The following PTPRK variants were observed in gnomAD, a reference collection of about 807,000 sequenced individuals.
The protein encoded by PTPRK is receptor-type tyrosine-protein phosphatase kappa.
PTPRK carries 75 observed loss-of-function variants against 178.0 expected under a neutral mutation model. That is an observed-to-expected ratio of 0.42 (90% CI 0.35 to 0.51). PTPRK has a LOEUF of 0.51. PTPRK is among the 20% of genes least tolerant of loss of function. The pLI is 0.02. For missense variants in PTPRK, 1,441 were observed against 1,797.8 expected, an observed-to-expected ratio of 0.80 and a Z score of 3.59; for synonymous variants, 637 against 620.6, an observed-to-expected ratio of 1.03 and a Z score of -0.39.
intron 2 of PTPRK, among the ~76,000 whole-genome samples, chr6:128,355,610 T>A (rs1437121312): frequency 1.3e-5 from 2 of 152,024 alleles, no homozygotes; most frequent in East Asian, 1.9e-4. Flanking sequence ...AGTAAATTTT[T>A]AAAAAAATAT....
intron 13 of PTPRK, among the ~76,000 whole-genome samples, chr6:128,021,553 T>A (rs1294936354): frequency 6.6e-6 from 1 of 152,038 alleles, no homozygotes; most frequent in Non-Finnish European, 1.5e-5. Context: ...GGCAGGAGAA[T>A]GGTGTGAACC....
At chr6:128,445,296 T>C (rs1846857159) in intron 1 of PTPRK, among the ~76,000 whole-genome samples, 1 of 138,812 alleles carries the variant, frequency 7.2e-6, no homozygotes, top group Non-Finnish European at 1.6e-5. Flanking sequence ...TAGTATATTA[T>C]ATAAATACTA....
At chr6:128,437,249 A>C (rs930713995) in intron 1 of PTPRK, among the ~76,000 whole-genome samples, 1 of 152,216 alleles carries the variant, frequency 6.6e-6, no homozygotes, top group Non-Finnish European at 1.5e-5. Context: ...TTTTGCTTTA[A>C]AGATAAGCGT....
chr6:128,487,536 C>T (rs1228957526), intron 1 of PTPRK, among the ~76,000 whole-genome samples: 1 of 151,984 alleles, frequency 6.6e-6, no homozygotes, highest in Non-Finnish European at 1.5e-5. Context: ...CCTCTCCCTT[C>T]TCCATCCTTC....
intron 8 of PTPRK, among the ~76,000 whole-genome samples, chr6:128,088,227 A>G (rs577976464): frequency 6.6e-6 from 1 of 152,022 alleles, no homozygotes; most frequent in African/African-American, 2.4e-5. Flanking sequence ...AAAATACAAA[A>G]GTTAGCAGGG....
chr6:128,142,561 TAC>T (rs764229735), intron 7 of PTPRK, among the ~76,000 whole-genome samples: 8 of 151,058 alleles, frequency 5.3e-5, no homozygotes, highest in South Asian at 4.2e-4. Context: ...AATATATATA[TAC>T]ACACACACAC....
At chr6:128,244,796 G>A (rs1815152568) in intron 3 of PTPRK, among the ~76,000 whole-genome samples, 1 of 152,206 alleles carries the variant, frequency 6.6e-6, no homozygotes, top group South Asian at 2.1e-4. Flanking sequence ...GTGAAAGCTT[G>A]GTGCAGTTCT....
At chr6:128,158,570 G>C (rs756309343) in intron 7 of PTPRK, among the ~76,000 whole-genome samples, 5 of 151,704 alleles carry the variant, frequency 3.3e-5, no homozygotes, top group Non-Finnish European at 7.4e-5. Context: ...CTGAACGTTT[G>C]GTTCATCCAC....
At chr6:128,509,772 A>G (rs1168230372) in intron 1 of PTPRK, among the ~76,000 whole-genome samples, 1 of 152,118 alleles carries the variant, frequency 6.6e-6, no homozygotes, top group Non-Finnish European at 1.5e-5. Context: ...CTGGAACATA[A>G]GTCCTCCTGT....
chr6:128,316,799 C>T (rs914340308), intron 3 of PTPRK, among the ~76,000 whole-genome samples: 1 of 151,292 alleles, frequency 6.6e-6, no homozygotes, highest in East Asian at 1.9e-4. Context: ...CTCACTGCAA[C>T]CTCCGCCTCC....
At chr6:128,456,323 T>C (rs1005567145) in intron 1 of PTPRK, among the ~76,000 whole-genome samples, 3 of 152,134 alleles carry the variant, frequency 2.0e-5, no homozygotes, top group South Asian at 2.1e-4. Context: ...CACTTGAATA[T>C]GAGGCCAGCC....
At chr6:128,198,600 T>C (rs1329884212) in intron 6 of PTPRK, among the ~76,000 whole-genome samples, 1 of 152,200 alleles carries the variant, frequency 6.6e-6, no homozygotes, top group Non-Finnish European at 1.5e-5. Flanking sequence ...TCTGCACAAG[T>C]ACCCCAGAAC....
intron 13 of PTPRK, among the ~76,000 whole-genome samples, chr6:128,022,506 T>C (rs1334627384): frequency 1.3e-5 from 2 of 152,212 alleles, no homozygotes. Context: ...GTGGTTCACA[T>C]ATTCCATGAG....
At chr6:127,976,605 G>T (rs200135545) in intron 27 of PTPRK, 52 bp downstream of exon 27, 1,376 of 1,599,724 alleles carry the variant, frequency 8.6e-4, no homozygotes, top group Non-Finnish European at 9.9e-4. Flanking sequence ...ACCACATCTT[G>T]GTTATGACTG....
chr6:128,479,016 T>C (rs531471822), intron 1 of PTPRK, among the ~76,000 whole-genome samples: 6 of 152,114 alleles, frequency 3.9e-5, no homozygotes, highest in African/African-American at 1.4e-4. Context: ...AAGCCAAATG[T>C]TCTCAGTGGG....
intron 11 of PTPRK, among the ~76,000 whole-genome samples, chr6:128,068,346 T>C (rs895482915): frequency 6.6e-6 from 1 of 152,142 alleles, no homozygotes; most frequent in Non-Finnish European, 1.5e-5. Flanking sequence ...AGATCTAAAA[T>C]ACAAGTGACA....
chr6:128,211,558 T>G (rs991811590), intron 6 of PTPRK, among the ~76,000 whole-genome samples: 7 of 152,138 alleles, frequency 4.6e-5, no homozygotes, highest in African/African-American at 1.7e-4. Flanking sequence ...TTTGCTTTAT[T>G]TGTAAGGCTT....
chr6:128,434,452 G>C (rs1044269195), intron 1 of PTPRK, among the ~76,000 whole-genome samples: 1 of 152,052 alleles, frequency 6.6e-6, no homozygotes, highest in African/African-American at 2.4e-5. Flanking sequence ...ATATAGCTGT[G>C]AACAATGGCA....
chr6:128,107,303 C>G (rs1021741095), intron 7 of PTPRK, among the ~76,000 whole-genome samples: 1 of 152,192 alleles, frequency 6.6e-6, no homozygotes, highest in Non-Finnish European at 1.5e-5. Context: ...TACAGTATGA[C>G]AGTTTCACCT....
Sources: allele counts gnomAD v4.1 joint callset (sites outside exome capture counted in the v4.1 genomes callset), GRCh38; gene constraint gnomAD v4.1.1; transcripts MANE v1.5; gene names NCBI Gene and HGNC (gene_info 2026-07-23, HGNC 2026-07-21).